MBNL2: variants seen among roughly 807,000 people sequenced by gnomAD.
The protein encoded by MBNL2 is muscleblind like splicing regulator 2, also known as muscleblind-like protein 2.
MBNL2 carries 17 observed loss-of-function variants against 41.9 expected under a neutral mutation model. That is an observed-to-expected ratio of 0.41 (90% CI 0.28 to 0.61). The LOEUF is 0.61. Ranked by LOEUF, MBNL2 falls within the 20% of genes least tolerant of loss-of-function variation. The probability of loss-of-function intolerance (pLI) is 0.35; values close to 1 mark genes in which losing one functional copy is unlikely to be tolerated. For synonymous variants in MBNL2, 195 were observed against 182.9 expected, an observed-to-expected ratio of 1.07 and a Z score of -0.53; for missense variants, 336 against 505.6, an observed-to-expected ratio of 0.66 and a Z score of 3.22.
At chr13:97,203,253 A>G in the MBNL2 span, among the ~76,000 whole-genome samples, 2,101 of 152,342 alleles carry the variant, frequency 0.014, 48 homozygotes, top group African/African-American at 0.046. Context: ...ACCAGTGCCC[A>G]TATTAAACAC....
At chr13:97,153,041 T>C in the MBNL2 span, among the ~76,000 whole-genome samples, 2 of 152,098 alleles carry the variant, frequency 1.3e-5, no homozygotes, top group African/African-American at 4.8e-5. Flanking sequence ...AAGATTTACA[T>C]TTCTGGTAAA....
intron 8 of MBNL2, among the ~76,000 whole-genome samples, chr13:97,390,356 T>C (rs1275450328): frequency 3.9e-5 from 6 of 152,204 alleles, no homozygotes; most frequent in African/African-American, 1.4e-4. Flanking sequence ...ATAAGGCTTT[T>C]GTTGGGAATT....
At chr13:97,302,870 G>C (rs1055995835) in intron 2 of MBNL2, among the ~76,000 whole-genome samples, 8 of 152,186 alleles carry the variant, frequency 5.3e-5, no homozygotes, top group African/African-American at 1.9e-4. Context: ...CACTGACTGA[G>C]TGCCCTGCAG....
intron 1 of MBNL2, among the ~76,000 whole-genome samples, chr13:97,260,696 A>G (rs1269817457): frequency 1.3e-5 from 2 of 152,182 alleles, no homozygotes; most frequent in East Asian, 1.9e-4. Flanking sequence ...AGTGGGTTTT[A>G]AAGCCATAAA....
intron 1 of MBNL2, among the ~76,000 whole-genome samples, chr13:97,226,960 G>A (rs1357875074): frequency 6.7e-6 from 1 of 149,034 alleles, no homozygotes; most frequent in African/African-American, 2.5e-5. Context: ...TTATCTCACT[G>A]TCTCTATCTC....
chr13:97,180,740 TAAA>T, the MBNL2 span, among the ~76,000 whole-genome samples: 15 of 86,004 alleles, frequency 1.7e-4, no homozygotes, highest in African/African-American at 2.3e-4. Flanking sequence ...AGACTCCATC[TAAA>T]AAAAAAAAAA....
At chr13:97,305,798 C>G (rs2058072005) in intron 2 of MBNL2, among the ~76,000 whole-genome samples, 1 of 150,866 alleles carries the variant, frequency 6.6e-6, no homozygotes, top group Non-Finnish European at 1.5e-5. Flanking sequence ...ACCAAAAATC[C>G]CAGGATTTTT....
At chr13:97,272,478 G>A (rs903452633) in intron 1 of MBNL2, among the ~76,000 whole-genome samples, 2 of 152,060 alleles carry the variant, frequency 1.3e-5, no homozygotes, top group African/African-American at 4.8e-5. Context: ...TATCAATTTT[G>A]GCTTTTGTTG....
chr13:97,370,966 T>C (rs2064319689), intron 8 of MBNL2, among the ~76,000 whole-genome samples: 2 of 152,176 alleles, frequency 1.3e-5, no homozygotes, highest in Admixed American at 1.3e-4. Flanking sequence ...GACCAGAATA[T>C]GTAAATCTGT....
chr13:97,169,340 C>T, the MBNL2 span, among the ~76,000 whole-genome samples: 1 of 152,118 alleles, frequency 6.6e-6, no homozygotes. Context: ...GATTGAAAAA[C>T]CAAATAATGC....
At chr13:97,343,786 G>A (rs1315350964) in intron 4 of MBNL2, among the ~76,000 whole-genome samples, 1 of 152,146 alleles carries the variant, frequency 6.6e-6, no homozygotes, top group African/African-American at 2.4e-5. Flanking sequence ...ATTGGAGGAT[G>A]AGTAAATTTA....
chr13:97,190,306 G>T, the MBNL2 span, among the ~76,000 whole-genome samples: 1 of 152,228 alleles, frequency 6.6e-6, no homozygotes, highest in Admixed American at 6.5e-5. Context: ...ACTTTATGAA[G>T]ACCAGGATAC....
At chr13:97,314,025 T>C (rs1322475572) in intron 2 of MBNL2, among the ~76,000 whole-genome samples, 1 of 152,180 alleles carries the variant, frequency 6.6e-6, no homozygotes. Context: ...TAACCCTCCA[T>C]TGATTTTGCA....
chr13:97,271,602 C>T (rs934625324), intron 1 of MBNL2, among the ~76,000 whole-genome samples: 1 of 152,120 alleles, frequency 6.6e-6, no homozygotes, highest in Non-Finnish European at 1.5e-5. Context: ...CCCCAGCAGG[C>T]TCTCGTATGT....
intron 7 of MBNL2, among the ~76,000 whole-genome samples, chr13:97,358,730 C>T (rs2063176417): frequency 6.6e-6 from 1 of 152,138 alleles, no homozygotes; most frequent in Non-Finnish European, 1.5e-5. Flanking sequence ...CATTTTTCAG[C>T]CCACGATAGT....
the MBNL2 span, among the ~76,000 whole-genome samples, chr13:97,173,284 G>A: frequency 6.6e-6 from 1 of 152,176 alleles, no homozygotes; most frequent in African/African-American, 2.4e-5. Context: ...GTGGAATGAG[G>A]AAAGGGATAA....
chr13:97,386,843 C>A (rs894163993), intron 8 of MBNL2, among the ~76,000 whole-genome samples: 1 of 151,992 alleles, frequency 6.6e-6, no homozygotes, highest in Non-Finnish European at 1.5e-5. Context: ...GATTTCCTTT[C>A]CTTATTGATA....
At chr13:97,316,739 G>C (rs943001162) in intron 2 of MBNL2, among the ~76,000 whole-genome samples, 1 of 152,154 alleles carries the variant, frequency 6.6e-6, no homozygotes, top group Non-Finnish European at 1.5e-5. Context: ...TAACTAAAAA[G>C]GGCCACCCAA....
chr13:97,177,272 G>A, the MBNL2 span, among the ~76,000 whole-genome samples: 1 of 152,186 alleles, frequency 6.6e-6, no homozygotes, highest in East Asian at 1.9e-4. Context: ...CTGGGAGGCA[G>A]AGGTTTCAAT....
Sources: gnomAD v4.1 joint callset for allele counts (sites outside exome capture counted in the v4.1 genomes callset) on GRCh38, gnomAD v4.1.1 for gene constraint, MANE v1.5 for transcripts, NCBI Gene and HGNC (gene_info 2026-07-23, HGNC 2026-07-21) for gene names.